The following UNC13C variants were observed in gnomAD, a reference collection of about 807,000 sequenced individuals.
The protein encoded by UNC13C is unc-13 homolog C, also known as protein unc-13 homolog C.
In UNC13C, 174 loss-of-function variants were observed where a neutral mutation model predicts 245.4. The observed-to-expected ratio is 0.71, with a 90% confidence interval of 0.63 to 0.80. The LOEUF is 0.80. Among genes scored for constraint, UNC13C ranks in the 30% least tolerant of loss-of-function variants. UNC13C has a pLI of 0.00. For synonymous variants in UNC13C, 992 were observed against 895.1 expected (o/e 1.11, Z -1.93); for missense variants, 2,829 against 2,602.9 (o/e 1.09, Z -1.89).
chr15:54,512,552 A>T (rs1894798691), intron 24 of UNC13C, among the ~76,000 whole-genome samples: 1 of 152,112 alleles, frequency 6.6e-6, no homozygotes, highest in Non-Finnish European at 1.5e-5. Context: ...TTTCTTTCAT[A>T]AACTGACCTA....
intron 19 of UNC13C, among the ~76,000 whole-genome samples, chr15:54,473,160 A>T (rs1365418893): frequency 6.6e-6 from 1 of 151,792 alleles, no homozygotes; most frequent in African/African-American, 2.4e-5. Flanking sequence ...TAATGGCCTA[A>T]ATATGTATGC....
intron 2 of UNC13C, among the ~76,000 whole-genome samples, chr15:54,022,281 G>T (rs940169288): frequency 6.6e-6 from 1 of 151,952 alleles, no homozygotes; most frequent in African/African-American, 2.4e-5. Context: ...ATTGAAACAG[G>T]TGTGAGGTGA....
At chr15:54,077,544 A>C (rs987044083) in intron 2 of UNC13C, among the ~76,000 whole-genome samples, 1 of 151,402 alleles carries the variant, frequency 6.6e-6, no homozygotes, top group Non-Finnish European at 1.5e-5. Context: ...ACGCTCAGCT[A>C]ATTTTTGCAT....
chr15:54,567,945 AGAGT>A lies in UNC13C; in HGVS notation c.6105_6106+2del, dbSNP rs1897590563. On this transcript the variant is annotated splice_donor_variant and coding_sequence_variant, in exon 30 of 33. Transcript: ENST00000260323. LOFTEE classifies it high-confidence loss of function. Reference sequence around the variant, plus strand: ...AAATTCATAGATACTCAAACCTCACAGAGTAAGTAACACATAGGACCTGAGAATA... The same window carrying A: ...AAATTCATAGATACTCAAACCTCACAAAGTAACACATAGGACCTGAGAATA... 1 of 1,562,086 alleles carries A rather than the reference AGAGT, an allele frequency of 6.4e-7. No individual in the cohort carries two copies. Among genetic ancestry groups the A allele is most frequent in the Admixed American group, 1.9e-5 (1 of 52,496 alleles).
At chr15:54,509,563 G>GA (rs1331809916) in intron 23 of UNC13C, among the ~76,000 whole-genome samples, 2 of 152,036 alleles carry the variant, frequency 1.3e-5, no homozygotes, top group Admixed American at 6.5e-5. Flanking sequence ...TATTTTTAGG[G>GA]AAAAAATCAA....
In UNC13C at chr15:54,122,814, C is replaced by G. The variant is rs560762402; in HGVS notation, c.2984-20204C>G. On this transcript the variant is annotated intron_variant, in intron 2 of 32. Coordinates refer to ENST00000260323, the MANE Select transcript of UNC13C (RefSeq NM_001080534.3). ...TTGTATGTGTATCAGCAATATATTT[C>G]TTGTTGTTTGGATAGAGCAAAATTT... is the stretch of plus-strand genomic sequence containing the variant. 2.0e-5 allele frequency among the ~76,000 whole-genome samples: 3 copies of G among 152,016 alleles called. No homozygotes were observed. In the South Asian group the frequency reaches 6.2e-4, roughly 32 times the overall value.
intron 30 of UNC13C, among the ~76,000 whole-genome samples, chr15:54,615,135 CAGGCATGCAATG>C (rs1053394858): frequency 1.3e-5 from 2 of 151,968 alleles, no homozygotes; most frequent in Non-Finnish European, 2.9e-5. Flanking sequence ...TGTTTTGATA[CAGGCATGCAATG>C]TGAAATAAGC....
chr15:54,375,828 A>G (rs1213546279), intron 17 of UNC13C, among the ~76,000 whole-genome samples: 1 of 152,248 alleles, frequency 6.6e-6, no homozygotes, highest in Non-Finnish European at 1.5e-5. Context: ...ATAGAGCAGA[A>G]GACCCAGCGG....
intron 4 of UNC13C, among the ~76,000 whole-genome samples, chr15:54,181,675 T>C (rs1260852598): frequency 1.3e-5 from 2 of 152,004 alleles, no homozygotes; most frequent in African/African-American, 4.8e-5. Context: ...TTCCAATGTA[T>C]AGAGCATGGT....
At chr15:53,979,842 A>AT (rs1396563584) in intron 1 of UNC13C, among the ~76,000 whole-genome samples, 1 of 152,180 alleles carries the variant, frequency 6.6e-6, no homozygotes, top group Non-Finnish European at 1.5e-5. Context: ...AAACTTAATG[A>AT]TTTTTAGAAA....
At position 54,276,380 on chromosome 15, in the gene UNC13C, A is replaced by C. The variant is rs1046809286; in HGVS notation, c.3818+10884A>C. Among the ~76,000 whole-genome samples, 3 of 152,212 alleles carry C rather than the reference A, an allele frequency of 2.0e-5. No homozygotes were observed. In the South Asian group the frequency reaches 6.2e-4, roughly 32 times the overall value. On this transcript the variant is annotated intron_variant, in intron 10 of 32. Coordinates refer to ENST00000260323, the MANE Select transcript of UNC13C (RefSeq NM_001080534.3). ...ACTGTGTTAGCAGAGTCAGTATTCC[A>C]CTAATTACACCCCACAAATTCAAGA...
At chr15:54,143,492 T>A (rs2032118447) in intron 3 of UNC13C, 128 bp from the exon 4 acceptor site, 1 of 656,834 alleles carries the variant, frequency 1.5e-6, no homozygotes, top group African/African-American at 1.8e-5. Context: ...GAGCTGACCC[T>A]GCTTAGCATC....
At chr15:53,844,337 C>T in the UNC13C span, among the ~76,000 whole-genome samples, 1 of 152,090 alleles carries the variant, frequency 6.6e-6, no homozygotes, top group Admixed American at 6.5e-5. Flanking sequence ...TTAAAGGCAG[C>T]AAAGCAGATT....
intron 8 of UNC13C, among the ~76,000 whole-genome samples, chr15:54,263,559 A>C (rs1047317422): frequency 3.5e-4 from 53 of 152,176 alleles, no homozygotes; most frequent in African/African-American, 1.2e-3. Flanking sequence ...ATGAGTATTC[A>C]GTCATTTAAA....
chr15:53,932,321 A>T, the UNC13C span, among the ~76,000 whole-genome samples: 1 of 117,240 alleles, frequency 8.5e-6, no homozygotes, highest in Non-Finnish European at 2.2e-5. Context: ...TCAAAACAAC[A>T]ACAACAACAA....
At chr15:54,459,722 G>A (rs1223387955) in intron 19 of UNC13C, among the ~76,000 whole-genome samples, 1 of 151,600 alleles carries the variant, frequency 6.6e-6, no homozygotes, top group East Asian at 1.9e-4. Flanking sequence ...TTCCCTAAGT[G>A]TGTCTTTTAT....
intron 24 of UNC13C, 94 bp from the exon 25 acceptor site, chr15:54,525,455 G>T: frequency 5.8e-5 from 38 of 659,660 alleles, no homozygotes; most frequent in Middle Eastern, 4.3e-4. Flanking sequence ...CATGTTGTTT[G>T]AAGTTACCAT....
intron 2 of UNC13C, among the ~76,000 whole-genome samples, chr15:54,117,607 G>A (rs1158249966): frequency 7.5e-6 from 1 of 134,164 alleles, no homozygotes; most frequent in East Asian, 2.3e-4. Context: ...TTACAGACAG[G>A]GTCTCACTCT....
intron 4 of UNC13C, among the ~76,000 whole-genome samples, chr15:54,212,451 T>C (rs1031572031): frequency 6.6e-6 from 1 of 152,094 alleles, no homozygotes; most frequent in Non-Finnish European, 1.5e-5. Context: ...CCCACATCAA[T>C]GTATATTGAA....
Sources: gnomAD v4.1 joint callset for allele counts (sites outside exome capture counted in the v4.1 genomes callset) on GRCh38, gnomAD v4.1.1 for gene constraint, MANE v1.5 for transcripts, NCBI Gene and HGNC (gene_info 2026-07-23, HGNC 2026-07-21) for gene names.